Variants in LPAR1 observed in about 807,000 individuals in gnomAD.
LPAR1 encodes the protein lysophosphatidic acid receptor 1.
In LPAR1, 5 loss-of-function variants were observed where a neutral mutation model predicts 23.8. The observed-to-expected ratio is 0.21, with a 90% CI of 0.11 to 0.44. The LOEUF (loss-of-function observed/expected upper bound fraction) is 0.44. Ranked by LOEUF, LPAR1 falls within the 20% of genes least tolerant of loss-of-function variation. The pLI is 0.99. For synonymous variants in LPAR1, 160 were observed against 164.7 expected, an observed-to-expected ratio of 0.97 and a Z score of 0.22; for missense variants, 311 against 482.8, an observed-to-expected ratio of 0.64 and a Z score of 3.33.
chr9:111,036,113 C>T lies in LPAR1; in HGVS notation c.-182+9G>A, dbSNP rs2097888612. 6.6e-6 allele frequency: 1 copy of T among 152,198 alleles called. No homozygotes were observed. Among genetic ancestry groups the T allele is most frequent in the African/African-American group, 2.4e-5 (1 of 41,450 alleles). The allele number at this position is 152,198 out of a possible 1,614,324, so 9.4% of individuals were successfully genotyped here. A position where few individuals can be genotyped will look rare whatever the true frequency, so the allele number is the denominator to read the frequency against. ...GAAGTTTCGAAAGGGCTGCCACTTA[C>T]ATTCTTACCTCTGTTAGTTCTTTCC... On this transcript the variant is annotated intron_variant, in intron 2 of 5. Coordinates refer to ENST00000683809, the MANE Select transcript of LPAR1 (RefSeq NM_001351411.2).
At chr9:110,960,824 C>T (rs2095945005) in intron 4 of LPAR1, among the ~76,000 whole-genome samples, 2 of 152,146 alleles carry the variant, frequency 1.3e-5, no homozygotes, top group African/African-American at 2.4e-5. Context: ...AATCAGGTAA[C>T]CCAGAAGACT....
rs41279057 is a variant in LPAR1, at chr9:110,941,779, C to T, written c.435G>A (p.Glu145=). 6,583 of 1,614,202 alleles carry T rather than the reference C, an allele frequency of 4.1e-3. 24 individuals carry two copies. The highest frequency in any genetic ancestry group is 4.9e-3 in the Non-Finnish European group (5,808 of 1,180,024). The change falls in exon 5 of 6, where the codon GAG becomes GAA. Residue 145 remains glutamate, a synonymous_variant. Coordinates refer to ENST00000683809, the MANE Select transcript of LPAR1 (RefSeq NM_001351411.2). This position sits in a 1 kb window ranked among gnomAD's most constrained non-coding sequence, Gnocchi z 6.1. The part of the protein sequence containing the change: ...SVANLLAIAI[E]RHITVFRMQL... ...GCATGCGGAAAACCGTAATGTGCCT[C>T]TCGATTGCAATAGCCAGTAAGTTGG...
intron 2 of LPAR1, among the ~76,000 whole-genome samples, chr9:111,006,449 C>T (rs1187419949): frequency 1.3e-5 from 2 of 152,134 alleles, no homozygotes; most frequent in African/African-American, 2.4e-5. Flanking sequence ...TTCCTTCTTC[C>T]TTAACACACG....
chr9:111,034,658 AGTTACACGGATT>A (rs2097858969), intron 2 of LPAR1, among the ~76,000 whole-genome samples: 1 of 152,226 alleles, frequency 6.6e-6, no homozygotes, highest in Non-Finnish European at 1.5e-5. Context: ...AGCAGCCATA[AGTTACACGGATT>A]GTAATGGAAT....
At chr9:110,930,073 TG>T (rs1178561359) in intron 5 of LPAR1, among the ~76,000 whole-genome samples, 1 of 152,218 alleles carries the variant, frequency 6.6e-6, no homozygotes, top group African/African-American at 2.4e-5. Flanking sequence ...CATTACAGAC[TG>T]TAAAACACCA....
At chr9:110,989,551 A>G (rs189481133) in intron 2 of LPAR1, among the ~76,000 whole-genome samples, 27 of 152,274 alleles carry the variant, frequency 1.8e-4, no homozygotes, top group African/African-American at 6.0e-4. Flanking sequence ...ATGTCACTTA[A>G]AAGTTGCCTA....
chr9:110,935,439 A>G (rs1394092287), intron 5 of LPAR1, among the ~76,000 whole-genome samples: 1 of 151,948 alleles, frequency 6.6e-6, no homozygotes, highest in Non-Finnish European at 1.5e-5. Flanking sequence ...CCAATTATAC[A>G]CAGCAATACA....
chr9:110,901,201 T>C (rs895328724), intron 5 of LPAR1, among the ~76,000 whole-genome samples: 1 of 152,158 alleles, frequency 6.6e-6, no homozygotes, highest in African/African-American at 2.4e-5. Flanking sequence ...CTTGGTGAAG[T>C]TGACAAGAGG....
At chr9:110,929,330 A>AT (rs2094243248) in intron 5 of LPAR1, among the ~76,000 whole-genome samples, 1 of 152,212 alleles carries the variant, frequency 6.6e-6, no homozygotes, top group Admixed American at 6.5e-5. Flanking sequence ...AAGAAAAACA[A>AT]TATCAAAGGT....
intron 2 of LPAR1, among the ~76,000 whole-genome samples, chr9:110,992,014 G>C (rs1282617630): frequency 1.3e-5 from 2 of 148,262 alleles, no homozygotes; most frequent in Non-Finnish European, 3.0e-5. Context: ...TTTTTCTTTA[G>C]TCAAAATATC....
At chr9:110,893,065 G>A (rs1024697767) in intron 5 of LPAR1, among the ~76,000 whole-genome samples, 91 of 152,268 alleles carry the variant, frequency 6.0e-4, no homozygotes, top group Non-Finnish European at 1.0e-4. Context: ...ATCTTAAAAA[G>A]AATAGGTAGC....
chr9:111,009,335 G>C (rs2097281363), intron 2 of LPAR1, among the ~76,000 whole-genome samples: 1 of 151,876 alleles, frequency 6.6e-6, no homozygotes, highest in Non-Finnish European at 1.5e-5. Flanking sequence ...GCACAGATGG[G>C]AAATCTCAAA....
chr9:110,927,357 C>T (rs2094118407), intron 5 of LPAR1, among the ~76,000 whole-genome samples: 2 of 152,072 alleles, frequency 1.3e-5, no homozygotes, highest in Admixed American at 6.6e-5. Context: ...ATATGATCCT[C>T]ACCAAAATAT....
At chr9:110,949,745 A>G (rs1302044159) in intron 4 of LPAR1, among the ~76,000 whole-genome samples, 2 of 152,234 alleles carry the variant, frequency 1.3e-5, no homozygotes, top group African/African-American at 4.8e-5. Flanking sequence ...AATAAAATGC[A>G]AGTAAATCAA....
chr9:110,972,377 A>C (rs920151895), intron 3 of LPAR1, among the ~76,000 whole-genome samples, 157 bp from the exon 4 acceptor site: 1 of 152,192 alleles, frequency 6.6e-6, no homozygotes, highest in Non-Finnish European at 1.5e-5. Flanking sequence ...AAGGTCTAAA[A>C]GCCACGACTT....
intron 5 of LPAR1, among the ~76,000 whole-genome samples, chr9:110,925,946 A>C (rs1313247962): frequency 6.6e-6 from 1 of 151,630 alleles, no homozygotes; most frequent in Non-Finnish European, 1.5e-5. Flanking sequence ...TTTGAGTTGG[A>C]CTCTCGCTCT....
Position 110,996,585 on chromosome 9 carries a change from C to A in LPAR1, c.-181-23027G>T, listed in dbSNP as rs150631393. 2.0e-5 allele frequency among the ~76,000 whole-genome samples: 3 copies of A among 152,156 alleles called. No individual in the cohort carries two copies. In the East Asian group the frequency reaches 5.8e-4, roughly 29 times the overall value. Reference sequence around the variant, plus strand: ...AATTTCCTGGGGCTTGAGAAGGAAGCGTGTGCCAAAGGGCTGAGGTTACAG... The same window carrying A: ...AATTTCCTGGGGCTTGAGAAGGAAGAGTGTGCCAAAGGGCTGAGGTTACAG... On this transcript the variant is annotated intron_variant, in intron 2 of 5. Coordinates refer to ENST00000683809, the MANE Select transcript of LPAR1 (RefSeq NM_001351411.2).
chr9:110,991,694 C>T (rs148127961), intron 2 of LPAR1, among the ~76,000 whole-genome samples: 4,414 of 152,046 alleles, frequency 0.029, 81 homozygotes, highest in Non-Finnish European at 0.047. Flanking sequence ...CTGCAACCTC[C>T]GCCTCCCAGG....
At chr9:110,904,955 A>T (rs545732185) in intron 5 of LPAR1, among the ~76,000 whole-genome samples, 28 of 152,368 alleles carry the variant, frequency 1.8e-4, no homozygotes, top group African/African-American at 6.7e-4. Flanking sequence ...AGGAAGTGAC[A>T]GAAGGAAGAC....
Sources: gnomAD v4.1 joint callset for allele counts (sites outside exome capture counted in the v4.1 genomes callset) on GRCh38, gnomAD v4.1.1 for gene constraint, Gnocchi (gnomAD v3.1) non-coding constraint, MANE v1.5 for transcripts, NCBI Gene and HGNC (gene_info 2026-07-23, HGNC 2026-07-21) for gene names.